VEPH1: variants seen among roughly 807,000 people sequenced by gnomAD.
The protein encoded by VEPH1 is ventricular zone expressed PH domain containing 1.
VEPH1 carries 80 observed loss-of-function variants against 85.2 expected under a neutral mutation model. The ratio of observed to expected loss-of-function variants is 0.94; its 90% CI spans 0.78 to 1.13. The LOEUF is 1.13. Ranked by LOEUF, VEPH1 falls within the 50% of genes most tolerant of loss-of-function variation. The probability of loss-of-function intolerance (pLI) is 0.00; values close to 1 mark genes in which losing one functional copy is unlikely to be tolerated. For synonymous variants in VEPH1, 297 were observed against 348.0 expected, an observed-to-expected ratio of 0.85 and a Z score of 1.63; for missense variants, 955 against 980.5, an observed-to-expected ratio of 0.97 and a Z score of 0.35.
At chr3:157,318,474 G>C (rs577151558) in intron 9 of VEPH1, among the ~76,000 whole-genome samples, 1 of 152,068 alleles carries the variant, frequency 6.6e-6, no homozygotes, top group Non-Finnish European at 1.5e-5. Context: ...TGGGCATGGT[G>C]GCATCTGCCT....
At chr3:157,413,667 T>A (rs1731687796) in intron 6 of VEPH1, 5 of 984,900 alleles carry the variant, frequency 5.1e-6, no homozygotes, top group Admixed American at 6.2e-5. Context: ...GTAAAAGGAC[T>A]GAAAGAGAAA....
At chr3:157,263,667 AAC>A (rs1162848882) in intron 13 of VEPH1, among the ~76,000 whole-genome samples, 1 of 152,234 alleles carries the variant, frequency 6.6e-6, no homozygotes, top group African/African-American at 2.4e-5. Flanking sequence ...TATATGTTAT[AAC>A]ACACACAGAT....
chr3:157,469,755 T>A (rs1412085644), intron 3 of VEPH1, among the ~76,000 whole-genome samples: 2 of 152,208 alleles, frequency 1.3e-5, no homozygotes, highest in Non-Finnish European at 2.9e-5. Flanking sequence ...ACTTGCCCAA[T>A]ATCGCAGTGT....
intron 2 of VEPH1, among the ~76,000 whole-genome samples, chr3:157,492,036 C>G (rs140053616): frequency 0.027 from 4,079 of 152,196 alleles, 66 homozygotes; most frequent in Non-Finnish European, 0.043. Flanking sequence ...GAAGCCTTCT[C>G]TAACAATGCA....
chr3:157,316,358 A>AT (rs1308020497), intron 10 of VEPH1, among the ~76,000 whole-genome samples: 1 of 151,882 alleles, frequency 6.6e-6, no homozygotes, highest in Non-Finnish European at 1.5e-5. Flanking sequence ...ATAAAAATAC[A>AT]TTATTTTTCA....
At chr3:157,456,135 G>C (rs1311199721) in intron 4 of VEPH1, among the ~76,000 whole-genome samples, 1 of 151,930 alleles carries the variant, frequency 6.6e-6, no homozygotes, top group Non-Finnish European at 1.5e-5. Flanking sequence ...GTAATGTTGA[G>C]TTTTTTTCAT....
intron 5 of VEPH1, among the ~76,000 whole-genome samples, chr3:157,417,095 T>C (rs1371257380): frequency 6.6e-6 from 1 of 152,084 alleles, no homozygotes; most frequent in African/African-American, 2.4e-5. Flanking sequence ...GAATTCCTAA[T>C]AGCCTAAAGC....
At chr3:157,387,582 C>T (rs1489584575) in intron 6 of VEPH1, among the ~76,000 whole-genome samples, 1 of 152,198 alleles carries the variant, frequency 6.6e-6, no homozygotes, top group Non-Finnish European at 1.5e-5. Context: ...GCTCTGTAGG[C>T]TGCAGCCCTC....
chr3:157,262,629 T>C (rs1278099201), intron 13 of VEPH1, among the ~76,000 whole-genome samples: 2 of 152,182 alleles, frequency 1.3e-5, no homozygotes, highest in African/African-American at 4.8e-5. Context: ...TAAACTGCTA[T>C]GGTATTTTAA....
intron 7 of VEPH1, among the ~76,000 whole-genome samples, chr3:157,369,445 A>C (rs1727234229): frequency 6.6e-6 from 1 of 152,224 alleles, no homozygotes; most frequent in African/African-American, 2.4e-5. Context: ...CTCACCGCAA[A>C]GACTTTCTCT....
chr3:157,459,957 C>T (rs959900389), intron 4 of VEPH1: 6 of 1,537,156 alleles, frequency 3.9e-6, no homozygotes, highest in African/African-American at 2.7e-5. Context: ...AGAATGCTTA[C>T]AATTCTTTTA....
At chr3:157,271,963 T>C (rs1714615518) in intron 12 of VEPH1, among the ~76,000 whole-genome samples, 1 of 152,228 alleles carries the variant, frequency 6.6e-6, no homozygotes, top group Admixed American at 6.5e-5. Flanking sequence ...ATTTAGTCCA[T>C]TATTAAAGAG....
At position 157,261,287 on chromosome 3, in the gene VEPH1, A is replaced by G. The variant is rs1312877325; in HGVS notation, c.2349T>C (p.Ser783=). The G allele has an allele frequency of 6.2e-7, 1 of 1,613,674 alleles. No homozygotes were observed. The highest frequency in any genetic ancestry group is 8.5e-7 in the Non-Finnish European group (1 of 1,179,774). The change falls in exon 14 of 14, where the codon TCT becomes TCC. Residue 783 remains serine (S), a synonymous_variant. Coordinates refer to ENST00000362010, the MANE Select transcript of VEPH1 (RefSeq NM_001167912.2). ...KAVAKKRRDR[S]LPRAFEIFTD... Reference sequence around the variant, plus strand: ...TGAAGATTTCGAAAGCCCGGGGGAGAGAGCGGTCCCTGCGTTTCTTGGCCA... The same window carrying G: ...TGAAGATTTCGAAAGCCCGGGGGAGGGAGCGGTCCCTGCGTTTCTTGGCCA...
intron 9 of VEPH1, among the ~76,000 whole-genome samples, chr3:157,324,728 C>T (rs1304314550): frequency 6.6e-6 from 1 of 151,334 alleles, no homozygotes; most frequent in Non-Finnish European, 1.5e-5. Flanking sequence ...TTTTCTTTGT[C>T]TAGTCTGTCA....
At chr3:157,451,593 T>C (rs1291771181) in intron 4 of VEPH1, among the ~76,000 whole-genome samples, 1 of 152,238 alleles carries the variant, frequency 6.6e-6, no homozygotes, top group African/African-American at 2.4e-5. Flanking sequence ...ACAAAGTCTC[T>C]CATGATTCAC....
chr3:157,313,654 A>C lies in VEPH1; in HGVS notation c.1977T>G (p.Thr659=). 6.2e-7 allele frequency: 1 copy of C among 1,614,150 alleles called. No individual in the cohort carries two copies. The highest frequency in any genetic ancestry group is 8.5e-7 in the Non-Finnish European group (1 of 1,180,010). The part of the protein sequence containing the change: ...TQAGGAHSFE[T]AMMESTFPQQ... ...GTGGAAACGTGGACTCCATCATGGC[A>C]GTTTCAAAGCTGTGAGCACCCCCTG... Residue 659 remains threonine (T), a synonymous_variant, in exon 11 of 14, where the codon ACT becomes ACG. Transcript: ENST00000362010.
chr3:157,343,447 G>A (rs556903723), intron 9 of VEPH1, among the ~76,000 whole-genome samples: 2 of 152,238 alleles, frequency 1.3e-5, no homozygotes, highest in East Asian at 3.9e-4. Context: ...TAAATTCCTG[G>A]ACACATACAC....
intron 9 of VEPH1, 29 bp from the exon 10 acceptor site, chr3:157,317,230 G>T: frequency 6.4e-7 from 1 of 1,571,544 alleles, no homozygotes; most frequent in Non-Finnish European, 8.6e-7. Flanking sequence ...AGCGTTAAAC[G>T]TTATGGTCTT....
intron 2 of VEPH1, among the ~76,000 whole-genome samples, chr3:157,490,805 G>C (rs1268136483): frequency 6.6e-6 from 1 of 152,114 alleles, no homozygotes; most frequent in African/African-American, 2.4e-5. Context: ...CAAGTATTTA[G>C]AACTTTAGAA....
Sources: gnomAD v4.1 joint callset for allele counts (sites outside exome capture counted in the v4.1 genomes callset) on GRCh38, gnomAD v4.1.1 for gene constraint, MANE v1.5 for transcripts, NCBI Gene and HGNC (gene_info 2026-07-23, HGNC 2026-07-21) for gene names.